PHYHD1: variants seen among roughly 807,000 people sequenced by gnomAD.
PHYHD1 encodes the protein phytanoyl-CoA dioxygenase domain-containing protein 1.
A neutral mutation model predicts 43.6 loss-of-function variants in PHYHD1; 42 were observed. That is an observed-to-expected ratio of 0.96 (90% CI 0.75 to 1.25). The LOEUF is 1.25. PHYHD1 is among the 50% of genes most tolerant of loss of function. The pLI is 0.00. For missense variants in PHYHD1, 342 were observed against 370.8 expected (o/e 0.92, Z 0.64); for synonymous variants, 139 against 143.6 (o/e 0.97, Z 0.23).
chr9:128,927,331 C>T (rs572702124), intron 4 of PHYHD1, 135 bp downstream of exon 4: 17 of 1,010,376 alleles, frequency 1.7e-5, no homozygotes, highest in East Asian at 1.0e-4. Context: ...ACCTTTCCCT[C>T]GCTCCTCACT....
chr9:128,930,572 A>C (rs28373373), intron 4 of PHYHD1, among the ~76,000 whole-genome samples: 58,834 of 149,858 alleles, frequency 0.39, 11,699 homozygotes, highest in Admixed American at 0.43. Context: ...ATGGAGGTTG[A>C]GGTGAGCCAA....
rs1336209280 is a variant in PHYHD1, at chr9:128,926,948, T to G, written c.34-90T>G. Reference sequence around the variant, plus strand: ...ACAGGGCAGCAAACAAGATACCTGGTCCCACCTTCACACAGCTGCAAGGTT... The same window carrying G: ...ACAGGGCAGCAAACAAGATACCTGGGCCCACCTTCACACAGCTGCAAGGTT... On this transcript the variant is annotated intron_variant, in intron 3 of 12. Coordinates refer to ENST00000372592, the MANE Select transcript of PHYHD1 (RefSeq NM_001100876.2). 3 of 1,569,006 alleles carry G rather than the reference T, an allele frequency of 1.9e-6. No homozygotes were observed. In the African/African-American group the frequency reaches 4.1e-5, roughly 21 times the overall value.
At chr9:128,934,142 C>G (rs973962139) in intron 6 of PHYHD1, 84 bp downstream of exon 6, 1 of 1,422,706 alleles carries the variant, frequency 7.0e-7, no homozygotes, top group African/African-American at 1.4e-5. Context: ...CTAACTAACA[C>G]TTTGAGAAGT....
At chr9:128,938,841 T>C (rs1841490549) in intron 9 of PHYHD1, among the ~76,000 whole-genome samples, 1 of 131,698 alleles carries the variant, frequency 7.6e-6, no homozygotes, top group Non-Finnish European at 1.8e-5. Flanking sequence ...TAGGTGATTA[T>C]CTACTTCTGC....
At chr9:128,927,830 C>T (rs774059312) in intron 4 of PHYHD1, among the ~76,000 whole-genome samples, 2 of 152,204 alleles carry the variant, frequency 1.3e-5, no homozygotes, top group African/African-American at 2.4e-5. Context: ...CTCTGGTCAC[C>T]GAAGGCCACT....
In PHYHD1 at chr9:128,921,319, G is replaced by A. The variant is rs1225201913; in HGVS notation, c.-509G>A. On this transcript the variant is annotated 5_prime_UTR_variant, in exon 1 of 13. Coordinates refer to ENST00000372592, the MANE Select transcript of PHYHD1 (RefSeq NM_001100876.2). ...TTTATTATTTATTTATTTATTTTGAGACCGAGTCTCGCTCTGTCGCCCAGG... is the reference window on the plus strand; with the variant it reads ...TTTATTATTTATTTATTTATTTTGAAACCGAGTCTCGCTCTGTCGCCCAGG... 3 of 152,014 alleles carry A rather than the reference G, an allele frequency of 2.0e-5. No homozygotes were observed. The highest frequency in any genetic ancestry group is 7.2e-5 in the African/African-American group (3 of 41,382). The allele number at this position is 152,014 out of a possible 1,614,324, so 9.4% of individuals were successfully genotyped here.
At chr9:128,939,185 G>A (rs1841494642) in intron 9 of PHYHD1, among the ~76,000 whole-genome samples, 1 of 131,514 alleles carries the variant, frequency 7.6e-6, no homozygotes, top group South Asian at 2.5e-4. Flanking sequence ...GGAAGGAGGT[G>A]AGACAGCAAC....
chr9:128,928,475 G>T (rs1841193011), intron 4 of PHYHD1, among the ~76,000 whole-genome samples: 1 of 152,152 alleles, frequency 6.6e-6, no homozygotes, highest in African/African-American at 2.4e-5. Flanking sequence ...GGCCGAGGTG[G>T]GTGGATCATC....
chr9:128,941,328 A>C, intron 11 of PHYHD1, 117 bp from the exon 12 acceptor site: 10 of 1,332,220 alleles, frequency 7.5e-6, no homozygotes, highest in Non-Finnish European at 9.3e-6. Context: ...AGGGAAGGGA[A>C]TGGGGATGGA....
chr9:128,921,776 A>G (rs1347811934), intron 1 of PHYHD1, 108 bp downstream of exon 1: 1 of 152,646 alleles, frequency 6.6e-6, no homozygotes, highest in East Asian at 1.9e-4. Flanking sequence ...ATTCCCTTCC[A>G]TAATCCTCCC....
chr9:128,926,204 C>G (rs556522390), intron 3 of PHYHD1, among the ~76,000 whole-genome samples: 36 of 152,276 alleles, frequency 2.4e-4, no homozygotes, highest in African/African-American at 7.5e-4. Flanking sequence ...AGGGGAAGGG[C>G]AGGGACAACT....
Position 128,941,958 on chromosome 9 carries a change from C to A in PHYHD1, c.*245C>A. On this transcript the variant is annotated 3_prime_UTR_variant, in exon 13 of 13. Coordinates refer to ENST00000372592, the MANE Select transcript of PHYHD1 (RefSeq NM_001100876.2). ...TCTCAGCCACCAAAGGGTTCTGGCC[C>A]CTTCTCACTCTCCTCTCCTCTCAGA... 1.7e-6 allele frequency: 1 copy of A among 579,410 alleles called. No individual in the cohort carries two copies. The highest frequency in any genetic ancestry group is 3.1e-6 in the Non-Finnish European group (1 of 325,406). 35.9% of individuals were successfully genotyped at this position (579,410 alleles called of 1,614,324 possible).
rs1564540363 is a variant in PHYHD1 at position 128,932,163 on chromosome 9, A to ATTT, written c.193-1617_193-1616insTTT. 1.5e-4 allele frequency among the ~76,000 whole-genome samples: 19 copies of ATTT among 125,298 alleles called. 1 individual carries two copies. The highest frequency in any genetic ancestry group is 6.0e-4 in the African/African-American group (18 of 29,846). The allele number at this position is 125,298 out of a possible 152,430, so 82.2% of individuals were successfully genotyped here. A position where few individuals can be genotyped will look rare whatever the true frequency, so the allele number is the denominator to read the frequency against. ...GGAAGTCAGTTCTATTATTATTATT[A>ATTT]TTATTGTTATTATTATTATTATTTT... On this transcript the variant is annotated intron_variant, in intron 4 of 12. Coordinates refer to ENST00000372592, the MANE Select transcript of PHYHD1 (RefSeq NM_001100876.2).
intron 4 of PHYHD1, among the ~76,000 whole-genome samples, chr9:128,932,655 C>CAGTGCCTGG (rs1564540614): frequency 1.5e-5 from 1 of 66,752 alleles, no homozygotes; most frequent in Non-Finnish European, 3.4e-5. Flanking sequence ...GTGTGAGCCA[C>CAGTGCCTGG]TGCACCCAGC....
intron 11 of PHYHD1, 84 bp downstream of exon 11, chr9:128,940,799 C>A: frequency 1.4e-6 from 2 of 1,401,358 alleles, no homozygotes; most frequent in Non-Finnish European, 2.0e-6. Context: ...CAAGAGGTTG[C>A]CCTCGGGGTC....
intron 9 of PHYHD1, among the ~76,000 whole-genome samples, chr9:128,938,177 G>A (rs1006096153): frequency 2.6e-5 from 4 of 151,968 alleles, no homozygotes; most frequent in African/African-American, 9.7e-5. Context: ...GTGTAGTATC[G>A]CACACCCGTA....
At chr9:128,929,226 G>T (rs764273747) in intron 4 of PHYHD1, among the ~76,000 whole-genome samples, 2 of 152,046 alleles carry the variant, frequency 1.3e-5, no homozygotes, top group Admixed American at 6.6e-5. Flanking sequence ...AGCTACATGG[G>T]AGGCTGAGGC....
intron 3 of PHYHD1, 21 bp downstream of exon 3, chr9:128,922,377 G>A (rs1446506469): frequency 6.5e-7 from 1 of 1,547,976 alleles, no homozygotes; most frequent in Non-Finnish European, 8.7e-7. Flanking sequence ...GCAAGTCGGG[G>A]CCGGGAGGGT....
chr9:128,933,670 G>T, intron 4 of PHYHD1, 112 bp from the exon 5 acceptor site: 1 of 1,155,200 alleles, frequency 8.7e-7, no homozygotes, highest in Non-Finnish European at 1.3e-6. Context: ...AAGCCCCCAG[G>T]GTGTCTGTAA....
Sources: gnomAD v4.1 joint callset for allele counts (sites outside exome capture counted in the v4.1 genomes callset) on GRCh38, gnomAD v4.1.1 for gene constraint, MANE v1.5 for transcripts, NCBI Gene and HGNC (gene_info 2026-07-23, HGNC 2026-07-21) for gene names.